The following RASGRF2 variants were observed in gnomAD, a reference collection of about 807,000 sequenced individuals.
The protein encoded by RASGRF2 is ras-specific guanine nucleotide-releasing factor 2.
In RASGRF2, 76 loss-of-function variants were observed where a neutral mutation model predicts 151.0. That is an observed-to-expected ratio of 0.50 (90% CI 0.42 to 0.61). RASGRF2 has a LOEUF of 0.61. Ranked by LOEUF, RASGRF2 falls within the 20% of genes least tolerant of loss-of-function variation. The pLI is 0.00. For synonymous variants in RASGRF2, 504 were observed against 566.5 expected (o/e 0.89, Z 1.57); for missense variants, 1,148 against 1,564.6 (o/e 0.73, Z 4.49).
chr5:81,210,881 C>T (rs189365651), intron 22 of RASGRF2, among the ~76,000 whole-genome samples: 49 of 152,262 alleles, frequency 3.2e-4, no homozygotes, highest in Admixed American at 7.8e-4. Flanking sequence ...GACTGTAGCT[C>T]ACACCTGTAA....
chr5:81,220,361 A>G (rs750699069), intron 26 of RASGRF2, among the ~76,000 whole-genome samples: 31 of 152,210 alleles, frequency 2.0e-4, no homozygotes, highest in Non-Finnish European at 4.3e-4. Flanking sequence ...GAATAGTTTT[A>G]GCTTCACAGA....
chr5:80,978,806 G>T (rs569692554), intron 1 of RASGRF2, among the ~76,000 whole-genome samples: 1 of 151,850 alleles, frequency 6.6e-6, no homozygotes, highest in Admixed American at 6.6e-5. Context: ...AAAAAAAAAG[G>T]GGGGGAAACA....
chr5:81,081,988 A>T (rs1455295941), intron 7 of RASGRF2, among the ~76,000 whole-genome samples: 1 of 152,200 alleles, frequency 6.6e-6, no homozygotes, highest in Non-Finnish European at 1.5e-5. Flanking sequence ...TTAAGATTTT[A>T]TTTATAATGA....
intron 2 of RASGRF2, among the ~76,000 whole-genome samples, chr5:81,061,997 CAAAAAAA>C (rs34991044): frequency 6.8e-5 from 3 of 44,000 alleles, no homozygotes; most frequent in African/African-American, 2.1e-4. Context: ...TCCCAGCTGA[CAAAAAAA>C]AAAAAAAAAA....
chr5:81,107,496 G>T (rs1393690306), intron 12 of RASGRF2, among the ~76,000 whole-genome samples: 3 of 152,134 alleles, frequency 2.0e-5, no homozygotes, highest in African/African-American at 7.2e-5. Context: ...CTACTAAACT[G>T]TGAATTTCGT....
Position 81,207,253 on chromosome 5 carries a change from G to A in RASGRF2, c.2975G>A (p.Cys992Tyr). Reference sequence around the variant, plus strand: ...CTCCCTCATCTCTTGCAGACTGACTGCATGAAGGCCGAATGCTTTGAGTCC... The same window carrying A: ...CTCCCTCATCTCTTGCAGACTGACTACATGAAGGCCGAATGCTTTGAGTCC... ...KLEDIIQMTD[C>Y]MKAECFESLS... The change falls in exon 21 of 27, where the codon TGC (cysteine) becomes TAC (tyrosine). Residue 992 changes from cysteine to tyrosine, a missense_variant. By Grantham distance (194) the Cys-to-Tyr change is radical. Coordinates refer to ENST00000265080, the MANE Select transcript of RASGRF2 (RefSeq NM_006909.3). 1 of 1,614,114 alleles carries A rather than the reference G, an allele frequency of 6.2e-7. No homozygotes were observed. Among genetic ancestry groups the A allele is most frequent in the Admixed American group, 1.7e-5 (1 of 60,020 alleles).
chr5:81,091,399 A>G (rs1323265820), intron 9 of RASGRF2, among the ~76,000 whole-genome samples: 2 of 152,082 alleles, frequency 1.3e-5, no homozygotes, highest in Non-Finnish European at 2.9e-5. Context: ...GTGGGAGTCA[A>G]GCCGTCTCCT....
intron 25 of RASGRF2, among the ~76,000 whole-genome samples, chr5:81,218,350 A>G (rs192481309): frequency 2.6e-5 from 4 of 152,250 alleles, no homozygotes; most frequent in Admixed American, 2.0e-4. Context: ...TTAAGTCTTT[A>G]ATCTATCTTG....
intron 1 of RASGRF2, among the ~76,000 whole-genome samples, chr5:81,016,241 A>G (rs1428137961): frequency 6.6e-6 from 1 of 152,312 alleles, no homozygotes; most frequent in Non-Finnish European, 1.5e-5. Context: ...GAGAGGAATC[A>G]TTGTCTTTCT....
intron 1 of RASGRF2, among the ~76,000 whole-genome samples, chr5:80,988,043 G>T (rs1285385971): frequency 1.3e-5 from 2 of 149,226 alleles, no homozygotes; most frequent in Non-Finnish European, 3.0e-5. Context: ...GTGTGTGTGT[G>T]TGTGTGTGTA....
intron 1 of RASGRF2, chr5:80,998,087 C>T (rs1386944891): frequency 6.6e-6 from 1 of 152,036 alleles, no homozygotes; most frequent in Non-Finnish European, 1.5e-5. Flanking sequence ...GAACTGGTGC[C>T]AAAGGAGGGC....
intron 1 of RASGRF2, among the ~76,000 whole-genome samples, chr5:80,969,714 G>A (rs1747858304): frequency 6.6e-6 from 1 of 151,278 alleles, no homozygotes; most frequent in Admixed American, 6.6e-5. Context: ...GCCTCCCAAA[G>A]TGCTGGGATT....
intron 1 of RASGRF2, among the ~76,000 whole-genome samples, chr5:80,992,380 G>A (rs2112265482): frequency 6.6e-6 from 1 of 152,228 alleles, no homozygotes; most frequent in South Asian, 2.1e-4. Context: ...CATGCCTGTA[G>A]GGAATTGACT....
intron 1 of RASGRF2, among the ~76,000 whole-genome samples, chr5:81,009,575 T>G (rs966865482): frequency 2.0e-5 from 3 of 152,224 alleles, no homozygotes; most frequent in African/African-American, 7.2e-5. Flanking sequence ...CATCTGTTCT[T>G]GAGAATCTCC....
chr5:81,217,526 G>T, intron 25 of RASGRF2, 53 bp downstream of exon 25: 2 of 1,173,112 alleles, frequency 1.7e-6, no homozygotes, highest in East Asian at 3.6e-5. Context: ...GGTTTATAGA[G>T]AAGAGGCTAA....
At chr5:81,067,105 C>T (rs540439033) in intron 2 of RASGRF2, among the ~76,000 whole-genome samples, 12 of 152,304 alleles carry the variant, frequency 7.9e-5, no homozygotes, top group African/African-American at 2.6e-4. Flanking sequence ...GTCAGTACTT[C>T]GCCTCTGTGA....
chr5:81,092,410 T>C (rs1246778923), intron 9 of RASGRF2, among the ~76,000 whole-genome samples: 1 of 152,164 alleles, frequency 6.6e-6, no homozygotes, highest in African/African-American at 2.4e-5. Flanking sequence ...TTGCATTTGC[T>C]TTTTGTTATC....
intron 1 of RASGRF2, among the ~76,000 whole-genome samples, chr5:80,964,193 T>A (rs1018999397): frequency 6.6e-6 from 1 of 152,140 alleles, no homozygotes; most frequent in African/African-American, 2.4e-5. Context: ...AGTGACTACT[T>A]CTTTGGGATA....
chr5:81,060,547 C>G (rs1319533671), intron 2 of RASGRF2, among the ~76,000 whole-genome samples: 1 of 152,150 alleles, frequency 6.6e-6, no homozygotes, highest in Non-Finnish European at 1.5e-5. Flanking sequence ...TTGTCTTTCT[C>G]TCTCTACTAC....
Sources: gnomAD v4.1 joint callset for allele counts (sites outside exome capture counted in the v4.1 genomes callset) on GRCh38, gnomAD v4.1.1 for gene constraint, MANE v1.5 for transcripts, NCBI Gene and HGNC (gene_info 2026-07-23, HGNC 2026-07-21) for gene names.